The following COMMD10 variants were observed in gnomAD, a reference collection of about 807,000 sequenced individuals.
COMMD10 encodes the protein COMM domain-containing protein 10.
COMMD10 carries 33 observed loss-of-function variants against 28.9 expected under a neutral mutation model. The observed-to-expected ratio is 1.14, with a 90% confidence interval of 0.87 to 1.53. The LOEUF is 1.53. Ranked by LOEUF, COMMD10 falls within the 40% of genes most tolerant of loss-of-function variation. The probability of loss-of-function intolerance (pLI) is 0.00; values close to 1 mark genes in which losing one functional copy is unlikely to be tolerated. For missense variants in COMMD10, 310 were observed against 233.4 expected, an observed-to-expected ratio of 1.33 and a Z score of -2.14; for synonymous variants, 110 against 81.7, an observed-to-expected ratio of 1.35 and a Z score of -1.87.
intron 5 of COMMD10, among the ~76,000 whole-genome samples, chr5:116,270,456 C>T (rs1445597663): frequency 4.6e-5 from 7 of 151,276 alleles, no homozygotes; most frequent in East Asian, 1.9e-4. Flanking sequence ...AGTAGCATTT[C>T]GAAAAACTGA....
At chr5:116,182,425 GT>G (rs1748001345) in intron 5 of COMMD10, among the ~76,000 whole-genome samples, 3 of 151,958 alleles carry the variant, frequency 2.0e-5, no homozygotes, top group African/African-American at 7.2e-5. Context: ...GTGGGTGTCA[GT>G]GAGCTCAGCT....
intron 5 of COMMD10, among the ~76,000 whole-genome samples, chr5:116,229,123 A>G (rs911166967): frequency 1.3e-4 from 20 of 152,154 alleles, no homozygotes; most frequent in South Asian, 8.3e-4. Flanking sequence ...TATCTACTTT[A>G]AACATAATTA....
At chr5:116,208,582 C>A (rs1748877535) in intron 5 of COMMD10, among the ~76,000 whole-genome samples, 1 of 152,176 alleles carries the variant, frequency 6.6e-6, no homozygotes, top group African/African-American at 2.4e-5. Flanking sequence ...CTACCTTGGT[C>A]TATGTGACAC....
chr5:116,255,636 G>A (rs6594961), intron 5 of COMMD10: 54,974 of 151,204 alleles, frequency 0.36, 12,446 homozygotes, highest in African/African-American at 0.64. Context: ...GGAACAATTA[G>A]TGTTTACATT....
rs547882078 is a variant in COMMD10, at chr5:116,222,810, G to C, written c.511-68707G>C. ...AGGTTTAAGCGATTCTCCTGCCTCA[G>C]CCTCCCAAGTAGCTGGGACTACAGT... On this transcript the variant is annotated intron_variant, in intron 5 of 6. Coordinates refer to ENST00000274458, the MANE Select transcript of COMMD10 (RefSeq NM_016144.4). Among the ~76,000 whole-genome samples the C allele has an allele frequency of 3.9e-5, 6 of 152,206 alleles. No homozygotes were observed. The South Asian group carries it at 1.2e-3, about 32-fold the overall frequency.
At chr5:116,273,616 A>G (rs925925292) in intron 5 of COMMD10, among the ~76,000 whole-genome samples, 1 of 151,860 alleles carries the variant, frequency 6.6e-6, no homozygotes, top group African/African-American at 2.4e-5. Flanking sequence ...AAACATTAAC[A>G]GATACAAAAC....
intron 4 of COMMD10, among the ~76,000 whole-genome samples, chr5:116,132,070 G>T (rs2112769918): frequency 6.6e-6 from 1 of 152,044 alleles, no homozygotes; most frequent in African/African-American, 2.4e-5. Flanking sequence ...ATGGGACGAG[G>T]TTCTATAGGA....
At chr5:116,241,264 A>C (rs1749799897) in intron 5 of COMMD10, among the ~76,000 whole-genome samples, 3 of 152,208 alleles carry the variant, frequency 2.0e-5, no homozygotes, top group Non-Finnish European at 4.4e-5. Flanking sequence ...TTTCTTTGAA[A>C]TGGTTTCTAC....
At chr5:116,265,749 A>G (rs1181910065) in intron 5 of COMMD10, among the ~76,000 whole-genome samples, 1 of 151,796 alleles carries the variant, frequency 6.6e-6, no homozygotes, top group African/African-American at 2.4e-5. Flanking sequence ...CAAATGAAGC[A>G]GATGAGCCAT....
At chr5:116,135,623 A>G (rs1359480569) in intron 5 of COMMD10, among the ~76,000 whole-genome samples, 2 of 152,360 alleles carry the variant, frequency 1.3e-5, no homozygotes, top group East Asian at 3.9e-4. Flanking sequence ...GATGAGAGAA[A>G]GAGACCACGT....
chr5:116,145,321 G>A (rs1381179649), intron 5 of COMMD10, among the ~76,000 whole-genome samples: 1 of 151,818 alleles, frequency 6.6e-6, no homozygotes, highest in Non-Finnish European at 1.5e-5. Flanking sequence ...AGGTTGTGTA[G>A]TTTTCTTCAT....
intron 5 of COMMD10, among the ~76,000 whole-genome samples, chr5:116,152,589 A>C (rs1345394112): frequency 1.3e-5 from 2 of 152,110 alleles, no homozygotes; most frequent in Non-Finnish European, 2.9e-5. Context: ...TTTTTTGTTA[A>C]AAGAGGAAGT....
Position 116,243,400 on chromosome 5 carries a change from C to T in COMMD10, c.511-48117C>T, listed in dbSNP as rs1749863548. ...CATCCACTGCCAGAAAATATCACCCCAGAAGTGAAAATTTACATGTTTTAA... is the reference window on the plus strand; with the variant it reads ...CATCCACTGCCAGAAAATATCACCCTAGAAGTGAAAATTTACATGTTTTAA... On this transcript the variant is annotated intron_variant, in intron 5 of 6. Transcript: ENST00000274458. 2.0e-5 allele frequency among the ~76,000 whole-genome samples: 3 copies of T among 152,052 alleles called. No individual in the cohort carries two copies. The South Asian group carries it at 6.2e-4, about 32-fold the overall frequency.
chr5:116,088,242 A>G (rs1451113758), intron 2 of COMMD10, among the ~76,000 whole-genome samples: 2 of 152,206 alleles, frequency 1.3e-5, no homozygotes, highest in Non-Finnish European at 2.9e-5. Flanking sequence ...TTACTCTGTC[A>G]TCTTGTTTTT....
At chr5:116,225,781 T>A (rs1450605518) in intron 5 of COMMD10, among the ~76,000 whole-genome samples, 1 of 152,050 alleles carries the variant, frequency 6.6e-6, no homozygotes, top group Non-Finnish European at 1.5e-5. Flanking sequence ...TCTCAGTTAA[T>A]AAAAGAATCA....
At chr5:116,181,034 C>T (rs1323880532) in intron 5 of COMMD10, among the ~76,000 whole-genome samples, 1 of 152,020 alleles carries the variant, frequency 6.6e-6, no homozygotes, top group Non-Finnish European at 1.5e-5. Context: ...GTTCCAGCTA[C>T]TTGGTGGGCT....
intron 5 of COMMD10, among the ~76,000 whole-genome samples, chr5:116,241,433 A>C (rs1400789444): frequency 2.6e-5 from 4 of 152,112 alleles, no homozygotes; most frequent in Non-Finnish European, 1.5e-5. Context: ...CATACTCTGT[A>C]CCAAAGTAAA....
chr5:116,104,086 C>G (rs1185911550), intron 4 of COMMD10, among the ~76,000 whole-genome samples: 2 of 152,148 alleles, frequency 1.3e-5, no homozygotes, highest in African/African-American at 4.8e-5. Flanking sequence ...TAGCATGATG[C>G]CTCCAGCTTT....
At chr5:116,196,635 T>TA (rs1315902016) in intron 5 of COMMD10, among the ~76,000 whole-genome samples, 158 of 151,266 alleles carry the variant, frequency 1.0e-3, no homozygotes, top group Middle Eastern at 3.4e-3. Context: ...CTTTTTTTTT[T>TA]AAAAAAAGAA....
Sources: allele counts gnomAD v4.1 joint callset (sites outside exome capture counted in the v4.1 genomes callset), GRCh38; gene constraint gnomAD v4.1.1; transcripts MANE v1.5; gene names NCBI Gene and HGNC (gene_info 2026-07-23, HGNC 2026-07-21).